TRPM6: variants seen among roughly 807,000 people sequenced by gnomAD.
TRPM6 encodes channel kinase 2.
A neutral mutation model predicts 247.6 loss-of-function variants in TRPM6; 111 were observed. The observed-to-expected ratio is 0.45, with a 90% confidence interval of 0.38 to 0.52. The LOEUF (loss-of-function observed/expected upper bound fraction) is 0.52, where lower values mean the gene tolerates loss of function less well. Among genes scored for constraint, TRPM6 ranks in the 20% least tolerant of loss-of-function variants. The pLI, the probability that TRPM6 is intolerant of heterozygous loss-of-function variation, is 0.00. For missense variants in TRPM6, 2,126 were observed against 2,421.5 expected, an observed-to-expected ratio of 0.88 and a Z score of 2.56; for synonymous variants, 892 against 853.8, an observed-to-expected ratio of 1.04 and a Z score of -0.78.
At chr9:74,857,590 T>A (rs182559907) in intron 2 of TRPM6, 1 of 152,322 alleles carries the variant, frequency 6.6e-6, no homozygotes, top group Non-Finnish European at 1.5e-5. Flanking sequence ...AAGTAGAGCT[T>A]CCAAAGCATT....
intron 17 of TRPM6, chr9:74,799,969 C>CT: frequency 2.2e-6 from 1 of 448,118 alleles, no homozygotes; most frequent in Non-Finnish European, 4.2e-6. Context: ...ATCTGGCTGG[C>CT]TAGGCAGGTG....
At chr9:74,791,344 A>G (rs1335730518) in intron 19 of TRPM6, among the ~76,000 whole-genome samples, 1 of 152,200 alleles carries the variant, frequency 6.6e-6, no homozygotes, top group African/African-American at 2.4e-5. Flanking sequence ...AATACAACAC[A>G]TTTAGATAAA....
intron 3 of TRPM6, among the ~76,000 whole-genome samples, chr9:74,852,036 T>C (rs1473495310): frequency 6.6e-6 from 1 of 151,582 alleles, no homozygotes; most frequent in Non-Finnish European, 1.5e-5. Flanking sequence ...CTCAGGAGGC[T>C]GAAGAGTGGG....
At chr9:74,859,094 G>A (rs543457269) in intron 1 of TRPM6, among the ~76,000 whole-genome samples, 1 of 152,208 alleles carries the variant, frequency 6.6e-6, no homozygotes, top group East Asian at 1.9e-4. Flanking sequence ...ATAATCCTAT[G>A]GAATAAATAC....
At chr9:74,864,900 T>C (rs1249282463) in intron 1 of TRPM6, among the ~76,000 whole-genome samples, 1 of 151,922 alleles carries the variant, frequency 6.6e-6, no homozygotes, top group East Asian at 1.9e-4. Context: ...GATGAAACCC[T>C]GTCTCTACTA....
intron 2 of TRPM6, among the ~76,000 whole-genome samples, chr9:74,858,008 G>A (rs1482703694): frequency 3.3e-5 from 5 of 152,106 alleles, no homozygotes. Flanking sequence ...CCCATCAAGA[G>A]GAACAGAAGA....
intron 30 of TRPM6, among the ~76,000 whole-genome samples, chr9:74,748,507 T>G (rs1187383743): frequency 6.6e-6 from 1 of 152,148 alleles, no homozygotes; most frequent in Non-Finnish European, 1.5e-5. Context: ...TGGGACAAGA[T>G]GAGGAGGCAG....
chr9:74,749,683 T>G (rs763175079), intron 30 of TRPM6, among the ~76,000 whole-genome samples: 18 of 152,224 alleles, frequency 1.2e-4, no homozygotes, highest in Non-Finnish European at 7.3e-5. Flanking sequence ...AAATAATATC[T>G]TCAGCATTTA....
chr9:74,726,751 A>C (rs1197505675), intron 38 of TRPM6, among the ~76,000 whole-genome samples: 1 of 152,098 alleles, frequency 6.6e-6, no homozygotes, highest in East Asian at 1.9e-4. Context: ...ATGTTGAGTG[A>C]ATGAGCCGGA....
At chr9:74,851,629 A>T in intron 3 of TRPM6, among the ~76,000 whole-genome samples, 1 of 151,550 alleles carries the variant, frequency 6.6e-6, no homozygotes, top group East Asian at 1.9e-4. Context: ...GGCGCCTGTA[A>T]TCCCAGCTAC....
chr9:74,776,023 C>T lies in TRPM6; in HGVS notation c.3263G>A (p.Arg1088His). ...GTGGTAGGTCATGATGTAGCGATAG[C>T]GGTTGTATTTCCACAGGTTATTTGA... is the stretch of plus-strand genomic sequence containing the variant. ...SISNNLWKYN[R>H]YRYIMTYHEK... is the part of the protein sequence containing the mutation. The change falls in exon 24 of 39, where the codon CGC (arginine) becomes CAC (histidine). Residue 1088 changes from arginine (R) to histidine (H), a missense_variant. Coordinates refer to ENST00000360774, the MANE Select transcript of TRPM6 (RefSeq NM_017662.5). 1.2e-6 allele frequency: 2 copies of T among 1,614,014 alleles called. No individual in the cohort carries two copies. The highest frequency in any genetic ancestry group is 1.1e-5 in the South Asian group (1 of 91,078).
chr9:74,794,007 A>C (rs958739087), intron 18 of TRPM6, among the ~76,000 whole-genome samples: 2 of 152,208 alleles, frequency 1.3e-5, no homozygotes, highest in African/African-American at 4.8e-5. Context: ...AGAGAAAAGA[A>C]AAGAGAAAAA....
chr9:74,806,499 G>A (rs772044672), intron 14 of TRPM6, among the ~76,000 whole-genome samples: 1 of 152,014 alleles, frequency 6.6e-6, no homozygotes, highest in African/African-American at 2.4e-5. Context: ...AAATGATGAG[G>A]TGAAGACTTT....
chr9:74,764,880 A>T (rs1220029552), intron 25 of TRPM6, among the ~76,000 whole-genome samples: 1 of 152,234 alleles, frequency 6.6e-6, no homozygotes, highest in Non-Finnish European at 1.5e-5. Flanking sequence ...CAAGGACATG[A>T]ACAGATGAAA....
intron 11 of TRPM6, among the ~76,000 whole-genome samples, chr9:74,813,531 T>G (rs1388457631): frequency 3.3e-5 from 5 of 152,204 alleles, no homozygotes; most frequent in Admixed American, 2.0e-4. Flanking sequence ...TTTCTGATAA[T>G]GTCACCAATA....
intron 27 of TRPM6, among the ~76,000 whole-genome samples, chr9:74,756,357 A>C (rs994446417): frequency 7.9e-5 from 12 of 152,202 alleles, no homozygotes; most frequent in African/African-American, 2.9e-4. Context: ...AAATAAGTGT[A>C]AACATTTTTT....
At chr9:74,844,266 G>A (rs1830038326) in intron 3 of TRPM6, among the ~76,000 whole-genome samples, 1 of 152,194 alleles carries the variant, frequency 6.6e-6, no homozygotes, top group Admixed American at 6.5e-5. Flanking sequence ...GAGTCAGCCT[G>A]TCCTTTGAAG....
intron 2 of TRPM6, among the ~76,000 whole-genome samples, chr9:74,856,600 T>C (rs1438081197): frequency 1.3e-5 from 2 of 152,164 alleles, no homozygotes; most frequent in Non-Finnish European, 2.9e-5. Flanking sequence ...CTTTTATTTC[T>C]TCCTGTCCCA....
At chr9:74,777,659 G>A (rs1827270419) in intron 23 of TRPM6, among the ~76,000 whole-genome samples, 1 of 152,124 alleles carries the variant, frequency 6.6e-6, no homozygotes, top group Non-Finnish European at 1.5e-5. Context: ...GTAGAAACAG[G>A]CCAAGAGTCC....
Sources: allele counts gnomAD v4.1 joint callset (sites outside exome capture counted in the v4.1 genomes callset), GRCh38; gene constraint gnomAD v4.1.1; transcripts MANE v1.5; gene names NCBI Gene and HGNC (gene_info 2026-07-23, HGNC 2026-07-21).